The following TSGA13 variants were observed in gnomAD, a reference collection of about 807,000 sequenced individuals.
TSGA13 encodes the protein testis specific 13.
Under a neutral mutation model 35.1 loss-of-function variants are expected in TSGA13, and 37 were observed. The observed-to-expected ratio is 1.05, with a 90% CI of 0.81 to 1.39. The LOEUF is 1.39. Ranked by LOEUF, TSGA13 falls within the 40% of genes most tolerant of loss-of-function variation. The pLI, the probability that TSGA13 is intolerant of heterozygous loss-of-function variation, is 0.00. For synonymous variants in TSGA13, 124 were observed against 121.2 expected (o/e 1.02, Z -0.15); for missense variants, 338 against 328.5 (o/e 1.03, Z -0.22).
chr7:130,672,465 CTT>C (rs35118750), intron 6 of TSGA13, among the ~76,000 whole-genome samples: 1 of 148,394 alleles, frequency 6.7e-6, no homozygotes, highest in African/African-American at 2.5e-5. Context: ...ATTGAGGGTA[CTT>C]TTTTTTTTTT....
Position 130,679,377 on chromosome 7 carries a change from C to G in TSGA13, c.175-10G>C. On this transcript the variant is annotated splice_polypyrimidine_tract_variant and intron_variant, in intron 4 of 7. Coordinates refer to ENST00000356588, the MANE Select transcript of TSGA13 (RefSeq NM_052933.4). Reference sequence around the variant, plus strand: ...GCTTATAGTACTGGGCCTGAACAGACAGAAAGGTTTCCAGAGAGAAAAAGA... The same window carrying G: ...GCTTATAGTACTGGGCCTGAACAGAGAGAAAGGTTTCCAGAGAGAAAAAGA... 6.3e-7 allele frequency: 1 copy of G among 1,598,546 alleles called. No homozygotes were observed.
chr7:130,670,484 T>TTA (rs782788650), intron 7 of TSGA13, among the ~76,000 whole-genome samples: 3 of 152,168 alleles, frequency 2.0e-5, no homozygotes, highest in Non-Finnish European at 4.4e-5. Flanking sequence ...GACCCACCAA[T>TTA]TATATATATC....
intron 7 of TSGA13, among the ~76,000 whole-genome samples, chr7:130,671,316 T>C (rs575626537): frequency 6.6e-6 from 1 of 152,320 alleles, no homozygotes; most frequent in South Asian, 2.1e-4. Context: ...ATGATATCAA[T>C]GATATAGTAT....
intron 7 of TSGA13, among the ~76,000 whole-genome samples, chr7:130,669,743 T>C (rs1174696748): frequency 6.6e-6 from 1 of 152,254 alleles, no homozygotes; most frequent in African/African-American, 2.4e-5. Flanking sequence ...ATCCTACATA[T>C]GGTATCATTT....
chr7:130,672,097 C>G (rs1033101601), intron 6 of TSGA13, among the ~76,000 whole-genome samples: 6 of 152,036 alleles, frequency 3.9e-5, no homozygotes, highest in African/African-American at 4.8e-5. Flanking sequence ...ACCATGTTGG[C>G]CAGGCTGGTC....
intron 6 of TSGA13, among the ~76,000 whole-genome samples, chr7:130,672,387 A>G (rs1448693067): frequency 1.3e-5 from 2 of 152,202 alleles, no homozygotes; most frequent in Non-Finnish European, 2.9e-5. Flanking sequence ...AAGTAGTTTC[A>G]CATAAAACCT....
At position 130,672,879 on chromosome 7, in the gene TSGA13, G is replaced by A. The variant is rs575263653; in HGVS notation, c.388-3C>T. ...GGTTTGTGCTGATGATGACTTTCCT[G>A]TAGGGAAACGAGGGAAGAAGAGTGA... On this transcript the variant is annotated splice_region_variant and splice_polypyrimidine_tract_variant and intron_variant, in intron 5 of 7. Coordinates refer to ENST00000356588, the MANE Select transcript of TSGA13 (RefSeq NM_052933.4). The A allele has an allele frequency of 1.2e-6, 2 of 1,612,434 alleles. No individual in the cohort carries two copies. Among genetic ancestry groups the A allele is most frequent in the African/African-American group, 2.7e-5 (2 of 74,954 alleles).
At position 130,679,792 on chromosome 7, in the gene TSGA13, G is replaced by A. The variant is rs150401398; in HGVS notation, c.175-425C>T. 8.7e-3 allele frequency among the ~76,000 whole-genome samples: 1,330 copies of A among 152,256 alleles called. 9 individuals carry two copies. The highest frequency in any genetic ancestry group is 0.013 in the Non-Finnish European group (908 of 68,018). On this transcript the variant is annotated intron_variant, in intron 4 of 7. Coordinates refer to ENST00000356588, the MANE Select transcript of TSGA13 (RefSeq NM_052933.4). ...ACCCATCTCAGCCTCCCAAAGTATG[G>A]AGATTACAGAAGTGAGTTATCACAC...
rs782791658 is a variant in TSGA13, at chr7:130,669,113, G to C, written c.729C>G (p.Leu243=). The C allele has an allele frequency of 5.0e-6, 8 of 1,614,112 alleles. No homozygotes were observed. The East Asian group carries it at 1.6e-4, about 31-fold the overall frequency. ...VIREPLTLAS[L]LEDMPTRTAP... ...CGGTTCTGGTGGGCATGTCTTCCAAGAGCGATGCGAGTGTCAGTGGTTCCC... is the reference window on the plus strand; with the variant it reads ...CGGTTCTGGTGGGCATGTCTTCCAACAGCGATGCGAGTGTCAGTGGTTCCC... The change falls in exon 8 of 8, where the codon CTC becomes CTG. Residue 243 remains leucine, a synonymous_variant. Coordinates refer to ENST00000356588, the MANE Select transcript of TSGA13 (RefSeq NM_052933.4).
chr7:130,669,656 A>C (rs1796208077), intron 7 of TSGA13, among the ~76,000 whole-genome samples: 1 of 152,250 alleles, frequency 6.6e-6, no homozygotes, highest in Non-Finnish European at 1.5e-5. Flanking sequence ...AAAATTAGAG[A>C]AATTCTAACC....
chr7:130,686,693 T>TACACACACACACACACAC (rs34846341), upstream of TSGA13: 28 of 135,292 alleles, frequency 2.1e-4, no homozygotes, highest in South Asian at 5.2e-4. Flanking sequence ...ATGACTTCTC[T>TACACACACACACACACAC]ACACACACAC....
At chr7:130,680,709 A>T (rs1796524498) in intron 4 of TSGA13, among the ~76,000 whole-genome samples, 1 of 152,082 alleles carries the variant, frequency 6.6e-6, no homozygotes, top group African/African-American at 2.4e-5. Flanking sequence ...AACTTAAAAA[A>T]AATCAGCTGT....
At chr7:130,677,298 A>G (rs1554464273) in intron 5 of TSGA13, among the ~76,000 whole-genome samples, 1 of 152,164 alleles carries the variant, frequency 6.6e-6, no homozygotes, top group African/African-American at 2.4e-5. Context: ...TAGTAACATT[A>G]TAACTCATCT....
chr7:130,670,460 TGG>T (rs1796237148), intron 7 of TSGA13, among the ~76,000 whole-genome samples: 1 of 152,144 alleles, frequency 6.6e-6, no homozygotes, highest in East Asian at 1.9e-4. Context: ...AACCATGAGC[TGG>T]TGAAGTCTGA....
At chr7:130,676,814 T>G (rs1290885511) in intron 5 of TSGA13, among the ~76,000 whole-genome samples, 3 of 152,208 alleles carry the variant, frequency 2.0e-5, no homozygotes, top group Admixed American at 6.5e-5. Context: ...GTTTGCACTT[T>G]CACTTAACTC....
At chr7:130,678,423 CT>C (rs545735453) in intron 5 of TSGA13, among the ~76,000 whole-genome samples, 2 of 152,166 alleles carry the variant, frequency 1.3e-5, no homozygotes, top group South Asian at 4.2e-4. Context: ...CAAATTCCGT[CT>C]TCTGAAACTG....
chr7:130,683,527 G>T (rs1554465386), intron 3 of TSGA13, 67 bp downstream of exon 3: 13 of 1,450,902 alleles, frequency 9.0e-6, no homozygotes. Flanking sequence ...GTGATATCCA[G>T]CTTATTAAGT....
rs112256223 is a variant in TSGA13, at chr7:130,674,787, T to C, written c.388-1911A>G. The stretch of plus-strand genomic sequence containing the variant: ...TTAAAGACTTTTTGTCTTTAATACT[T>C]GCTGCTTCTGAACCATGTCTTTTCA... On this transcript the variant is annotated intron_variant, in intron 5 of 7. Transcript: ENST00000356588. 5.4e-3 allele frequency among the ~76,000 whole-genome samples: 820 copies of C among 152,354 alleles called. 5 individuals are homozygous for C. Among genetic ancestry groups the C allele is most frequent in the Middle Eastern group, 0.024 (7 of 294 alleles).
intron 7 of TSGA13, 45 bp downstream of exon 7, chr7:130,671,616 A>G: frequency 6.6e-7 from 1 of 1,519,242 alleles, no homozygotes. Flanking sequence ...TCTCCAGCCC[A>G]AATCTCAGTC....
Sources: allele counts gnomAD v4.1 joint callset (sites outside exome capture counted in the v4.1 genomes callset), GRCh38; gene constraint gnomAD v4.1.1; transcripts MANE v1.5; gene names NCBI Gene and HGNC (gene_info 2026-07-23, HGNC 2026-07-21).